CCL15: variants seen among roughly 807,000 people sequenced by gnomAD.
CCL15 encodes C-C motif chemokine ligand 15.
In CCL15, 8 loss-of-function variants were observed where a neutral mutation model predicts 10.6. That is an observed-to-expected ratio of 0.75 (90% confidence interval 0.44 to 1.36). The LOEUF (loss-of-function observed/expected upper bound fraction) is 1.36. Ranked by LOEUF, CCL15 falls within the 40% of genes most tolerant of loss-of-function variation. The pLI is 0.00. For missense variants in CCL15, 128 were observed against 136.6 expected, an observed-to-expected ratio of 0.94 and a Z score of 0.32; for synonymous variants, 51 against 48.8, an observed-to-expected ratio of 1.04 and a Z score of -0.19.
chr17:35,997,913 CA>C (rs1241119925), intron 3 of CCL15, 53 bp from the exon 4 acceptor site: 5 of 1,389,282 alleles, frequency 3.6e-6, no homozygotes, highest in African/African-American at 2.8e-5. Context: ...CAGATGGAGA[CA>C]GGGGGCCCCA....
chr17:36,001,513 G>A lies in CCL15; in HGVS notation c.-21C>T. ...TTCATCCTCCTGGTGGGCAGGCAGG[G>A]CTGGCCGAGGACTCCTGGGCTCACT... is the stretch of plus-strand genomic sequence containing the variant. On this transcript the variant is annotated 5_prime_UTR_variant, in exon 1 of 4. Transcript: ENST00000617897. 6.2e-7 allele frequency: 1 copy of A among 1,612,592 alleles called. No homozygotes were observed. Among genetic ancestry groups the A allele is most frequent in the Non-Finnish European group, 8.5e-7 (1 of 1,179,880 alleles).
At chr17:36,000,426 G>A (rs1426411811) in intron 1 of CCL15, among the ~76,000 whole-genome samples, 1 of 134,890 alleles carries the variant, frequency 7.4e-6, no homozygotes, top group Non-Finnish European at 1.5e-5. Flanking sequence ...TCGCACCACT[G>A]CACTCCAGCC....
Position 36,001,401 on chromosome 17 carries a change from A to G in CCL15, c.76+16T>C. 6.2e-7 allele frequency: 1 copy of G among 1,613,996 alleles called. No individual in the cohort carries two copies. Among genetic ancestry groups the G allele is most frequent in the Non-Finnish European group, 8.5e-7 (1 of 1,179,930 alleles). ...CCATGGACCTGGTCACCTGGGAGAA[A>G]GCTCACTGGACTCACCATTTGTGAA... is the stretch of plus-strand genomic sequence containing the variant. On this transcript the variant is annotated intron_variant, in intron 1 of 3. Coordinates refer to ENST00000617897, the MANE Select transcript of CCL15 (RefSeq NM_032965.6).
chr17:35,999,875 G>C (rs2089969032), intron 1 of CCL15, among the ~76,000 whole-genome samples: 1 of 152,106 alleles, frequency 6.6e-6, no homozygotes, highest in African/African-American at 2.4e-5. Flanking sequence ...AATGCAGCCA[G>C]GCGTGGTGGC....
At chr17:36,000,177 A>G (rs1470212271) in intron 1 of CCL15, among the ~76,000 whole-genome samples, 3 of 128,884 alleles carry the variant, frequency 2.3e-5, no homozygotes, top group Non-Finnish European at 4.9e-5. Flanking sequence ...AAATCTTTAC[A>G]GTGGCCAGGC....
intron 3 of CCL15, 152 bp downstream of exon 3, chr17:35,998,128 T>C: frequency 1.6e-6 from 1 of 635,780 alleles, no homozygotes; most frequent in Non-Finnish European, 2.8e-6. Flanking sequence ...TCATCCCTGA[T>C]GCCCTGCAGA....
intron 1 of CCL15, among the ~76,000 whole-genome samples, 184 bp downstream of exon 1, chr17:36,001,233 A>T (rs369236635): frequency 1.0e-3 from 153 of 152,386 alleles, no homozygotes; most frequent in African/African-American, 3.6e-3. Flanking sequence ...GGGACCAGTC[A>T]TCTGTGTACC....
In CCL15 at chr17:35,997,841, G is replaced by C; in HGVS notation, c.268C>G (p.Arg90Gly). 1 of 1,613,656 alleles carries C rather than the reference G, an allele frequency of 6.2e-7. No individual in the cohort carries two copies. The highest frequency in any genetic ancestry group is 8.5e-7 in the Non-Finnish European group (1 of 1,179,666). ...CCACTGGGTTTGGCACAGACTTGCC[G>C]CCCCTTCTTGGTGAGGAATCTGGGG... ...PGVIFLTKKG[R>G]QVCAKPSGPG... Residue 90 changes from arginine (R) to glycine (G), a missense_variant, in exon 4 of 4, where the codon CGG (arginine) becomes GGG (glycine). Arg to Gly is a moderately radical substitution (Grantham distance 125, BLOSUM62 -2). Transcript: ENST00000617897.
chr17:35,998,252 A>C lies in CCL15; in HGVS notation c.248+28T>G, dbSNP rs767980958. The C allele has an allele frequency of 2.0e-6, 3 of 1,489,352 alleles. No individual in the cohort carries two copies. In the African/African-American group the frequency reaches 4.1e-5, roughly 21 times the overall value. 92.3% of individuals were successfully genotyped at this position (1,489,352 alleles called of 1,614,324 possible). On this transcript the variant is annotated intron_variant, in intron 3 of 3. Coordinates refer to ENST00000617897, the MANE Select transcript of CCL15 (RefSeq NM_032965.6). ...GATGCTGTGGGCTGCTTCTTCCCCA[A>C]CACATGGTTGGTGAGCTTGGCACTT...
chr17:36,001,321 C>T, intron 1 of CCL15, 96 bp downstream of exon 1: 2 of 1,491,214 alleles, frequency 1.3e-6, no homozygotes, highest in Non-Finnish European at 9.2e-7. Context: ...AGTTCCATAA[C>T]CATGTCTGGG....
intron 3 of CCL15, 69 bp from the exon 4 acceptor site, chr17:35,997,929 C>G (rs1022827689): frequency 7.8e-6 from 8 of 1,023,176 alleles, no homozygotes; most frequent in Non-Finnish European, 1.2e-5. Context: ...GCCCCATCCT[C>G]CCTGCTCCTC....
chr17:35,998,230 G>A (rs745838496), intron 3 of CCL15, 50 bp downstream of exon 3: 3 of 1,247,956 alleles, frequency 2.4e-6, no homozygotes, highest in Admixed American at 1.7e-5. Flanking sequence ...CCTGCAAGAT[G>A]CTGTGGGCTG....
chr17:36,001,212 TG>T (rs1338165858), intron 1 of CCL15, among the ~76,000 whole-genome samples: 2 of 152,246 alleles, frequency 1.3e-5, no homozygotes, highest in African/African-American at 4.8e-5. Flanking sequence ...GGGAAATAAT[TG>T]GCCCCAAATG....
chr17:35,997,959 G>T, intron 3 of CCL15, 99 bp from the exon 4 acceptor site: 1 of 812,820 alleles, frequency 1.2e-6, no homozygotes, highest in East Asian at 2.6e-5. Context: ...AGTCAACACA[G>T]CCTGTTTTTT....
At chr17:35,998,237 G>A in intron 3 of CCL15, 43 bp downstream of exon 3, 5 of 1,331,576 alleles carry the variant, frequency 3.8e-6, no homozygotes, top group Non-Finnish European at 5.4e-6. Flanking sequence ...GATGCTGTGG[G>A]CTGCTTCTTC....
In CCL15 at chr17:35,997,660, C is replaced by T; in HGVS notation, c.*107G>A. The T allele has an allele frequency of 1.5e-6, 1 of 683,904 alleles. No homozygotes were observed. The highest frequency in any genetic ancestry group is 2.5e-6 in the Non-Finnish European group (1 of 394,486). 42.4% of individuals were successfully genotyped at this position (683,904 alleles called of 1,614,324 possible). ...TGAATACTCTTTATTAGATGCATTA[C>T]TTTCATTACCAGACACAACAATATA... On this transcript the variant is annotated 3_prime_UTR_variant, in exon 4 of 4. Coordinates refer to ENST00000617897, the MANE Select transcript of CCL15 (RefSeq NM_032965.6).
In CCL15 at chr17:35,997,652, A is replaced by G. The variant is rs1447085432; in HGVS notation, c.*115T>C. 9 of 652,872 alleles carry G rather than the reference A, an allele frequency of 1.4e-5. No homozygotes were observed. Among genetic ancestry groups the G allele is most frequent in the East Asian group, 1.1e-4 (4 of 36,514 alleles). The allele number at this position is 652,872 out of a possible 1,614,324, so 40.4% of individuals were successfully genotyped here. ...TAAAAAATTGAATACTCTTTATTAG[A>G]TGCATTACTTTCATTACCAGACACA... is the stretch of plus-strand genomic sequence containing the variant. On this transcript the variant is annotated 3_prime_UTR_variant, in exon 4 of 4. Coordinates refer to ENST00000617897, the MANE Select transcript of CCL15 (RefSeq NM_032965.6).
At chr17:35,998,987 A>C in intron 1 of CCL15, 62 bp from the exon 2 acceptor site, 1 of 1,338,316 alleles carries the variant, frequency 7.5e-7, no homozygotes, top group South Asian at 1.2e-5. Flanking sequence ...CAACATCTCC[A>C]CCCACCCCAT....
chr17:36,000,017 G>T (rs911759843), intron 1 of CCL15, among the ~76,000 whole-genome samples: 4 of 151,678 alleles, frequency 2.6e-5, no homozygotes, highest in African/African-American at 9.7e-5. Flanking sequence ...CGGGCGTGGT[G>T]GCAGGCGCCT....
Sources: allele counts gnomAD v4.1 joint callset (sites outside exome capture counted in the v4.1 genomes callset), GRCh38; gene constraint gnomAD v4.1.1; transcripts MANE v1.5; gene names NCBI Gene and HGNC (gene_info 2026-07-23, HGNC 2026-07-21).